The following KLHL5 variants were observed in gnomAD, a reference collection of about 807,000 sequenced individuals.
KLHL5 encodes kelch-like protein 5.
A neutral mutation model predicts 77.7 loss-of-function variants in KLHL5; 48 were observed. The observed-to-expected ratio is 0.62, with a 90% CI of 0.49 to 0.79. KLHL5 has a LOEUF of 0.79. Ranked by LOEUF, KLHL5 falls within the 30% of genes least tolerant of loss-of-function variation. The pLI is 0.00. For missense variants in KLHL5, 723 were observed against 859.7 expected (o/e 0.84, Z 1.99); for synonymous variants, 260 against 297.0 (o/e 0.88, Z 1.28).
intron 6 of KLHL5, among the ~76,000 whole-genome samples, chr4:39,100,301 C>G (rs945327852): frequency 6.6e-6 from 1 of 152,196 alleles, no homozygotes; most frequent in Non-Finnish European, 1.5e-5. Flanking sequence ...CTCTCTCTGT[C>G]TCTCTGGAAC....
the KLHL5 span, among the ~76,000 whole-genome samples, chr4:39,132,445 C>A: frequency 1.3e-5 from 2 of 151,884 alleles, no homozygotes; most frequent in African/African-American, 2.4e-5. Flanking sequence ...TCTGTCTCTA[C>A]TAAAAATAAA....
At chr4:39,076,373 A>G (rs892307428) in intron 2 of KLHL5, among the ~76,000 whole-genome samples, 5 of 152,182 alleles carry the variant, frequency 3.3e-5, no homozygotes, top group African/African-American at 1.2e-4. Flanking sequence ...CTAGCCTCAT[A>G]TAAGTTGGTA....
At chr4:39,082,875 G>A (rs2109387979) in intron 4 of KLHL5, among the ~76,000 whole-genome samples, 2 of 150,518 alleles carry the variant, frequency 1.3e-5, no homozygotes, top group South Asian at 4.3e-4. Flanking sequence ...ACAGTAGAGG[G>A]GTGCAGGCAA....
At chr4:39,050,676 T>C (rs939374591) in intron 1 of KLHL5, among the ~76,000 whole-genome samples, 6 of 152,360 alleles carry the variant, frequency 3.9e-5, no homozygotes, top group African/African-American at 1.4e-4. Flanking sequence ...CAGTTGACTC[T>C]AAGGTATAAC....
At chr4:39,115,679 T>A (rs756678695) in intron 10 of KLHL5, 1 of 1,265,436 alleles carries the variant, frequency 7.9e-7, no homozygotes, top group South Asian at 2.0e-5. Flanking sequence ...TCAGAAAACT[T>A]TGAACAACTT....
intron 1 of KLHL5, among the ~76,000 whole-genome samples, chr4:39,072,675 A>G (rs2566134): frequency 0.73 from 110,155 of 151,710 alleles, 40,141 homozygotes; most frequent in East Asian, 0.82. Context: ...GAAACTTCCT[A>G]AAATGTGCTT....
chr4:39,052,628 C>CT (rs1247075264), intron 1 of KLHL5, among the ~76,000 whole-genome samples: 1 of 152,144 alleles, frequency 6.6e-6, no homozygotes, highest in African/African-American at 2.4e-5. Context: ...TAGAAGGCTA[C>CT]TTTGGCGATA....
chr4:39,087,512 T>C (rs1200736114), intron 5 of KLHL5, among the ~76,000 whole-genome samples: 2 of 152,166 alleles, frequency 1.3e-5, no homozygotes, highest in African/African-American at 4.8e-5. Context: ...AGATAACATC[T>C]TCCCTGACTA....
chr4:39,062,917 G>C lies in KLHL5; in HGVS notation c.265G>C (p.Glu89Gln), dbSNP rs765158139. Residue 89 changes from glutamate to glutamine, a missense_variant, in exon 1 of 11, where the codon GAA (glutamate) becomes CAA (glutamine). Physicochemically the swap from Glu to Gln is conservative, Grantham distance 29. Coordinates refer to ENST00000504108, the MANE Select transcript of KLHL5 (RefSeq NM_015990.5). Reference protein sequence around the residue: ...SPSWPMASTSEVPAFEFTAED... With the variant: ...SPSWPMASTSQVPAFEFTAED... ...TTCTTGGCCAATGGCATCCACCTCT[G>C]AAGTCCCTGCATTTGAGTTTACAGC... 3 of 1,614,154 alleles carry C rather than the reference G, an allele frequency of 1.9e-6. No homozygotes were observed. Among genetic ancestry groups the C allele is most frequent in the East Asian group, 4.5e-5 (2 of 44,890 alleles).
At chr4:39,102,845 A>G (rs1030840397) in intron 6 of KLHL5, among the ~76,000 whole-genome samples, 2 of 152,184 alleles carry the variant, frequency 1.3e-5, no homozygotes, top group African/African-American at 4.8e-5. Context: ...CAACCACTCA[A>G]TAAGGAACCT....
chr4:39,071,788 CAGAG>C (rs1284539674), intron 1 of KLHL5, among the ~76,000 whole-genome samples: 1 of 152,152 alleles, frequency 6.6e-6, no homozygotes, highest in Non-Finnish European at 1.5e-5. Context: ...TTGCCTACTG[CAGAG>C]AGAGACATAA....
the KLHL5 span, among the ~76,000 whole-genome samples, chr4:39,141,050 A>G: frequency 6.6e-6 from 1 of 152,202 alleles, no homozygotes; most frequent in Non-Finnish European, 1.5e-5. Flanking sequence ...GGAAAAGCTT[A>G]CTTTTCAGTT....
intron 1 of KLHL5, among the ~76,000 whole-genome samples, chr4:39,071,452 A>C (rs147614864): frequency 6.6e-6 from 1 of 152,216 alleles, no homozygotes; most frequent in Admixed American, 6.5e-5. Flanking sequence ...TCTGGCGATA[A>C]AAGTAAAGGG....
intron 1 of KLHL5, among the ~76,000 whole-genome samples, chr4:39,068,502 C>T (rs138453283): frequency 2.6e-4 from 40 of 151,662 alleles, no homozygotes; most frequent in Non-Finnish European, 1.8e-4. Context: ...TTCATGAACC[C>T]TCTGAAGGCT....
chr4:39,137,761 C>G, the KLHL5 span, among the ~76,000 whole-genome samples: 1 of 152,170 alleles, frequency 6.6e-6, no homozygotes, highest in Non-Finnish European at 1.5e-5. Flanking sequence ...CTGATGAAGA[C>G]ATTGTGGCCC....
At chr4:39,079,992 G>A (rs575929137) in intron 2 of KLHL5, among the ~76,000 whole-genome samples, 1 of 152,206 alleles carries the variant, frequency 6.6e-6, no homozygotes, top group Non-Finnish European at 1.5e-5. Context: ...ATAATATTAT[G>A]GGGAAAATGT....
At position 39,048,879 on chromosome 4, in the gene KLHL5, T is replaced by C. The variant is rs113129102; in HGVS notation, c.-95+3783T>C. On this transcript the variant is annotated intron_variant, in intron 1 of 11. Transcript: ENST00000261425. ...GCCTGATCTCCAACTCCTGACCTCATGATCCACCTGCCTCAGCCTCCCAAA... is the reference window on the plus strand; with the variant it reads ...GCCTGATCTCCAACTCCTGACCTCACGATCCACCTGCCTCAGCCTCCCAAA... Among the ~76,000 whole-genome samples, 878 of 152,150 alleles carry C rather than the reference T, an allele frequency of 5.8e-3. 9 individuals are homozygous for C. Among genetic ancestry groups the C allele is most frequent in the African/African-American group, 0.02 (833 of 41,520 alleles).
downstream of KLHL5, chr4:39,126,916 C>A (rs1259147205): frequency 2.7e-6 from 1 of 364,608 alleles, no homozygotes; most frequent in South Asian, 2.1e-5. Context: ...AGTTACTGGG[C>A]AACCCTTGCT....
At chr4:39,097,186 T>C (rs530778776) in intron 6 of KLHL5, among the ~76,000 whole-genome samples, 11 of 152,302 alleles carry the variant, frequency 7.2e-5, no homozygotes, top group African/African-American at 2.4e-4. Context: ...GTTTCCACGG[T>C]TCCACACCTA....
Sources: allele counts gnomAD v4.1 joint callset (sites outside exome capture counted in the v4.1 genomes callset), GRCh38; gene constraint gnomAD v4.1.1; transcripts MANE v1.5; gene names NCBI Gene and HGNC (gene_info 2026-07-23, HGNC 2026-07-21).